SORT1: variants seen among roughly 807,000 people sequenced by gnomAD.
SORT1 encodes sortilin.
SORT1 carries 39 observed loss-of-function variants against 101.7 expected under a neutral mutation model. The observed-to-expected ratio is 0.38, with a 90% CI of 0.30 to 0.50. The LOEUF is 0.50. Ranked by LOEUF, SORT1 falls within the 20% of genes least tolerant of loss-of-function variation. The pLI, the probability that SORT1 is intolerant of heterozygous loss-of-function variation, is 0.90. For missense variants in SORT1, 878 were observed against 1,040.4 expected (o/e 0.84, Z 2.15); for synonymous variants, 396 against 393.7 (o/e 1.01, Z -0.07).
At chr1:109,390,752 AGTGTGTGTGTGTGTGTGTATGTGT>A (rs1452302483) in intron 1 of SORT1, among the ~76,000 whole-genome samples, 4 of 144,428 alleles carry the variant, frequency 2.8e-5, no homozygotes, top group South Asian at 4.3e-4. Flanking sequence ...AATATTAGAA[AGTGTGTGTGTGTGTGTGTATGTGT>A]GTGTGTGTGT....
intron 1 of SORT1, among the ~76,000 whole-genome samples, chr1:109,380,806 G>A (rs955461418): frequency 1.2e-5 from 1 of 84,150 alleles, no homozygotes; most frequent in African/African-American, 5.1e-5. Context: ...GCAAAACCCT[G>A]TCGCCACAAA....
chr1:109,311,036 A>G lies in SORT1; in HGVS notation c.*3007T>C, dbSNP rs550923500. On this transcript the variant is annotated 3_prime_UTR_variant, in exon 20 of 20. Coordinates refer to ENST00000256637, the MANE Select transcript of SORT1 (RefSeq NM_002959.7). ...TCTACGTTCCAGTTACGGCTGATCT[A>G]TGGACTCTCCTGAGCCCGCCCCCAG... 5.9e-5 allele frequency: 9 copies of G among 152,322 alleles called. No individual in the cohort carries two copies. Among genetic ancestry groups the G allele is most frequent in the African/African-American group, 1.9e-4 (8 of 41,562 alleles). 9.4% of individuals were successfully genotyped at this position (152,322 alleles called of 1,614,324 possible).
At chr1:109,362,391 G>T (rs1650781023) in intron 3 of SORT1, among the ~76,000 whole-genome samples, 1 of 152,164 alleles carries the variant, frequency 6.6e-6, no homozygotes. Flanking sequence ...CCAGGTAAAA[G>T]ATCAATAGGG....
In SORT1 at chr1:109,340,771, T is replaced by G. The variant is rs1254881019; in HGVS notation, c.1217A>C (p.Asn406Thr). The G allele has an allele frequency of 1.9e-6, 3 of 1,614,018 alleles. No homozygotes were observed. Among genetic ancestry groups the G allele is most frequent in the Non-Finnish European group, 1.7e-6 (2 of 1,179,990 alleles). The part of the protein sequence containing the change: ...TTTGGETDFT[N>T]VTSLRGVYIT... ...GTAGACGCCGCGGAGGGAGGTCACG[T>G]TGGTAAAGTCCGTCTCTCCGCCTGT... is the stretch of plus-strand genomic sequence containing the variant. The change falls in exon 10 of 20, where the codon AAC (asparagine) becomes ACC (threonine). Residue 406 changes from asparagine to threonine, a missense_variant. Asn to Thr is a moderately conservative substitution (Grantham distance 65). Transcript: ENST00000256637.
At chr1:109,346,489 T>C (rs1050070268) in intron 7 of SORT1, among the ~76,000 whole-genome samples, 1 of 151,882 alleles carries the variant, frequency 6.6e-6, no homozygotes, top group African/African-American at 2.4e-5. Flanking sequence ...CTCACGCCTG[T>C]AATCCCAGCA....
chr1:109,323,865 G>A (rs1174912508), intron 14 of SORT1, among the ~76,000 whole-genome samples: 1 of 152,206 alleles, frequency 6.6e-6, no homozygotes, highest in African/African-American at 2.4e-5. Context: ...GAACTCCCAA[G>A]CCAGCTTCTG....
intron 13 of SORT1, among the ~76,000 whole-genome samples, chr1:109,325,347 C>G (rs537711744): frequency 6.8e-6 from 1 of 147,276 alleles, no homozygotes; most frequent in African/African-American, 2.5e-5. Context: ...AAGTGATTCT[C>G]TCTCATGCCT....
At position 109,397,644 on chromosome 1, in the gene SORT1, G is replaced by C; in HGVS notation, c.249C>G (p.Asp83Glu). Reference sequence around the variant, plus strand: ...AGTCCCGGACCCGGCCGCACTCCTCGTCCTCGCCCGGCGCGCTGCGACGCC... The same window carrying C: ...AGTCCCGGACCCGGCCGCACTCCTCCTCCTCGCCCGGCGCGCTGCGACGCC... ...GRWRRSAPGE[D>E]EECGRVRDFV... The change falls in exon 1 of 20, where the codon GAC (aspartate) becomes GAG (glutamate). Residue 83 changes from aspartate (D) to glutamate (E), a missense_variant. This residue lies in a region of SORT1 where 194 missense variants were observed against 145.9 expected (regional missense o/e 1.33). Coordinates refer to ENST00000256637, the MANE Select transcript of SORT1 (RefSeq NM_002959.7). 1 of 1,250,322 alleles carries C rather than the reference G, an allele frequency of 8.0e-7. No homozygotes were observed. The highest frequency in any genetic ancestry group is 1.0e-6 in the Non-Finnish European group (1 of 987,578). The allele number at this position is 1,250,322 out of a possible 1,614,324, so 77.5% of individuals were successfully genotyped here.
At chr1:109,330,150 G>A (rs941636295) in intron 11 of SORT1, among the ~76,000 whole-genome samples, 1 of 152,042 alleles carries the variant, frequency 6.6e-6, no homozygotes, top group African/African-American at 2.4e-5. Flanking sequence ...AAAGGCACCC[G>A]CTGCCACGCC....
In SORT1 at chr1:109,311,699, C is replaced by T. The variant is rs538328945; in HGVS notation, c.*2344G>A. On this transcript the variant is annotated 3_prime_UTR_variant, in exon 20 of 20. Coordinates refer to ENST00000256637, the MANE Select transcript of SORT1 (RefSeq NM_002959.7). The stretch of plus-strand genomic sequence containing the variant: ...TACTTTTGTTTTCAGCCATGAAAGA[C>T]AGGAAAATACAATTTTCTGTTCACC... The T allele has an allele frequency of 1.3e-5, 2 of 152,310 alleles. No homozygotes were observed. The highest frequency in any genetic ancestry group is 1.3e-4 in the Admixed American group (2 of 15,302). 9.4% of individuals were successfully genotyped at this position (152,310 alleles called of 1,614,324 possible). A position where few individuals can be genotyped will look rare whatever the true frequency, so the allele number is the denominator to read the frequency against.
At chr1:109,323,189 G>A in intron 14 of SORT1, 68 bp from the exon 15 acceptor site, 1 of 1,109,816 alleles carries the variant, frequency 9.0e-7, no homozygotes, top group South Asian at 1.5e-5. Context: ...GCAGCTGCCA[G>A]GCTATAGGAA....
intron 8 of SORT1, among the ~76,000 whole-genome samples, chr1:109,344,750 C>T (rs1209516033): frequency 6.6e-6 from 1 of 152,168 alleles, no homozygotes; most frequent in Non-Finnish European, 1.5e-5. Context: ...GGCTGGAATG[C>T]AGTGGCATGA....
chr1:109,321,591 T>A (rs944427192), intron 15 of SORT1, among the ~76,000 whole-genome samples: 14 of 152,074 alleles, frequency 9.2e-5, no homozygotes, highest in Non-Finnish European at 1.8e-4. Context: ...CACACACAGG[T>A]GTGAGCCATG....
At chr1:109,387,682 C>A (rs1176317987) in intron 1 of SORT1, among the ~76,000 whole-genome samples, 2 of 152,112 alleles carry the variant, frequency 1.3e-5, no homozygotes, top group African/African-American at 4.8e-5. Context: ...GGGCTGGGCG[C>A]GGTGGCTCAC....
chr1:109,311,454 A>T lies in SORT1; in HGVS notation c.*2589T>A, dbSNP rs1193486557. Reference sequence around the variant, plus strand: ...TTTCTTACTCTCTGGCTGAGGGCACACATTTGTGAGTGAGCAGGTTGATAA... The same window carrying T: ...TTTCTTACTCTCTGGCTGAGGGCACTCATTTGTGAGTGAGCAGGTTGATAA... On this transcript the variant is annotated 3_prime_UTR_variant, in exon 20 of 20. Coordinates refer to ENST00000256637, the MANE Select transcript of SORT1 (RefSeq NM_002959.7). The T allele has an allele frequency of 2.0e-5, 3 of 152,256 alleles. No individual in the cohort carries two copies. The allele number at this position is 152,256 out of a possible 1,614,324, so 9.4% of individuals were successfully genotyped here.
intron 16 of SORT1, 92 bp downstream of exon 16, chr1:109,317,761 G>T: frequency 1.1e-6 from 1 of 877,874 alleles, no homozygotes; most frequent in Non-Finnish European, 1.8e-6. Context: ...GTGCTCTAAA[G>T]TAGGGCTTGG....
At chr1:109,349,248 G>C (rs1256930246) in intron 6 of SORT1, among the ~76,000 whole-genome samples, 1 of 152,024 alleles carries the variant, frequency 6.6e-6, no homozygotes, top group Non-Finnish European at 1.5e-5. Flanking sequence ...AGGAGGCTGA[G>C]GCAGGAGAAT....
At chr1:109,352,667 C>T (rs1453129514) in intron 5 of SORT1, among the ~76,000 whole-genome samples, 1 of 152,186 alleles carries the variant, frequency 6.6e-6, no homozygotes, top group Admixed American at 6.5e-5. Flanking sequence ...TTCTAATTTA[C>T]CTAATTCTAC....
chr1:109,369,378 A>G (rs1651327460), intron 2 of SORT1, 152 bp downstream of exon 2: 2 of 600,100 alleles, frequency 3.3e-6, no homozygotes, highest in Non-Finnish European at 6.1e-6. Context: ...CACAACTACA[A>G]CTTCCTGAAA....
Sources: gnomAD v4.1 joint callset for allele counts (sites outside exome capture counted in the v4.1 genomes callset) on GRCh38, gnomAD v4.1.1 for gene constraint, gnomAD v4.1.1 regional missense constraint, MANE v1.5 for transcripts, NCBI Gene and HGNC (gene_info 2026-07-23, HGNC 2026-07-21) for gene names.